Variants in KNDC1 observed in about 807,000 individuals in gnomAD.
KNDC1 encodes kinase non-catalytic C-lobe domain containing 1.
A neutral mutation model predicts 172.8 loss-of-function variants in KNDC1; 106 were observed. The ratio of observed to expected loss-of-function variants is 0.61; its 90% CI spans 0.52 to 0.72. The LOEUF (loss-of-function observed/expected upper bound fraction) is 0.72. Among genes scored for constraint, KNDC1 ranks in the 30% least tolerant of loss-of-function variants. The probability of loss-of-function intolerance (pLI) is 0.00; values close to 1 mark genes in which losing one functional copy is unlikely to be tolerated. For missense variants in KNDC1, 2,325 were observed against 2,394.5 expected (o/e 0.97, Z 0.61); for synonymous variants, 1,083 against 1,062.2 (o/e 1.02, Z -0.38).
chr10:133,203,017 C>T lies in KNDC1; in HGVS notation c.3387+1119C>T, dbSNP rs796133296. 2.6e-5 allele frequency among the ~76,000 whole-genome samples: 4 copies of T among 151,962 alleles called. 1 individual carries two copies. Among genetic ancestry groups the T allele is most frequent in the African/African-American group, 9.7e-5 (4 of 41,438 alleles). On this transcript the variant is annotated intron_variant, in intron 17 of 29. Transcript: ENST00000304613. ...AACTCACGGCGTCCAGCCGGGAGCA[C>T]TCCGCCCCCAAACGCATGGCGTCCA...
intron 3 of KNDC1, among the ~76,000 whole-genome samples, chr10:133,170,670 T>A (rs182491371): frequency 6.6e-6 from 1 of 152,262 alleles, no homozygotes; most frequent in East Asian, 1.9e-4. Flanking sequence ...CATGTTAACA[T>A]ACATAACATT....
At chr10:133,166,753 G>GC (rs1016301728) in intron 1 of KNDC1, among the ~76,000 whole-genome samples, 1 of 152,044 alleles carries the variant, frequency 6.6e-6, no homozygotes, top group African/African-American at 2.4e-5. Flanking sequence ...GTGCATGGGG[G>GC]GGGTGTGGGT....
Position 133,212,766 on chromosome 10 carries a change from C to T in KNDC1, c.4287C>T (p.His1429=), listed in dbSNP as rs1229193696. The T allele has an allele frequency of 1.2e-5, 19 of 1,613,868 alleles. No homozygotes were observed. Among genetic ancestry groups the T allele is most frequent in the Non-Finnish European group, 1.6e-5 (19 of 1,179,922 alleles). ...GCAACGGGCTGGTGCTGCCGCCACACAAGGAGCGCCCCTACACCATTGCTG... is the reference window on the plus strand; with the variant it reads ...GCAACGGGCTGGTGCTGCCGCCACATAAGGAGCGCCCCTACACCATTGCTG... ...PRGNGLVLPP[H]KERPYTIAAA... is the part of the protein sequence containing the mutation. The change falls in exon 24 of 30, where the codon CAC becomes CAT. Residue 1429 remains histidine (H), a synonymous_variant. Coordinates refer to ENST00000304613, the MANE Select transcript of KNDC1 (RefSeq NM_152643.8).
In KNDC1 at chr10:133,218,951, C is replaced by T. The variant is rs201569977; in HGVS notation, c.4798C>T (p.Pro1600Ser). ...GLEHLAVRQS[P>S]AWRILPAKIA... is the part of the protein sequence containing the mutation. Reference sequence around the variant, plus strand: ...GGAGCACCTGGCCGTGAGGCAGTCCCCTGTGCGTCCCCCTCGGGCCCCAAG... The same window carrying T: ...GGAGCACCTGGCCGTGAGGCAGTCCTCTGTGCGTCCCCCTCGGGCCCCAAG... Residue 1600 changes from proline to serine, a missense_variant and splice_region_variant, in exon 27 of 30, where the codon CCT becomes TCT. Pro to Ser is a moderately conservative substitution (Grantham distance 74, BLOSUM62 -1). Coordinates refer to ENST00000304613, the MANE Select transcript of KNDC1 (RefSeq NM_152643.8). 2 of 1,613,790 alleles carry T rather than the reference C, an allele frequency of 1.2e-6. No homozygotes were observed. The highest frequency in any genetic ancestry group is 2.2e-5 in the East Asian group (1 of 44,880).
Position 133,186,365 on chromosome 10 carries a change from G to A in KNDC1, c.1017G>A (p.Pro339=), listed in dbSNP as rs35998551. The change falls in exon 6 of 30, where the codon CCG becomes CCA. Residue 339 remains proline (P), a synonymous_variant. Coordinates refer to ENST00000304613, the MANE Select transcript of KNDC1 (RefSeq NM_152643.8). ...SQLPISELFS[P]DPRKAFLDRK... is the part of the protein sequence containing the mutation. Reference sequence around the variant, plus strand: ...TGCCCATATCGGAATTATTCTCTCCGGACCCCAGGAAGGCCTTTCTGGACA... The same window carrying A: ...TGCCCATATCGGAATTATTCTCTCCAGACCCCAGGAAGGCCTTTCTGGACA... The A allele has an allele frequency of 2.8e-3, 4,567 of 1,612,650 alleles. 111 individuals are homozygous for A. In the African/African-American group the frequency reaches 0.051, roughly 18 times the overall value.
rs992028882 is a variant in KNDC1, at chr10:133,224,140, C to A, written c.5019-519C>A. On this transcript the variant is annotated intron_variant, in intron 29 of 29. Transcript: ENST00000304613. The surrounding 1 kb of genome is among the most constrained non-coding windows in gnomAD (Gnocchi z 5.4). ...GTTTCCATCCAAAATCAGGACAGGG[C>A]GTCTGTCTGTGGCATCAGTGTCCCC... is the stretch of plus-strand genomic sequence containing the variant. 5.3e-5 allele frequency among the ~76,000 whole-genome samples: 8 copies of A among 152,214 alleles called. No individual in the cohort carries two copies. Among genetic ancestry groups the A allele is most frequent in the Non-Finnish European group, 1.2e-4 (8 of 68,040 alleles).
chr10:133,201,981 G>T, intron 17 of KNDC1, 83 bp downstream of exon 17: 1 of 1,418,960 alleles, frequency 7.0e-7, no homozygotes, highest in South Asian at 1.2e-5. Context: ...GGTGACAGAT[G>T]GCACCGTGTG....
intron 3 of KNDC1, 73 bp downstream of exon 3, chr10:133,168,385 A>G: frequency 4.8e-6 from 7 of 1,463,042 alleles, no homozygotes; most frequent in Non-Finnish European, 6.7e-6. Flanking sequence ...TAACTCAGAA[A>G]TGCACCTGCC....
At chr10:133,190,246 C>T (rs1217731797) in intron 9 of KNDC1, among the ~76,000 whole-genome samples, 1 of 152,044 alleles carries the variant, frequency 6.6e-6, no homozygotes, top group Non-Finnish European at 1.5e-5. Context: ...GTACCCTACA[C>T]TAAGCACCCT....
intron 28 of KNDC1, 116 bp from the exon 29 acceptor site, chr10:133,219,839 G>C: frequency 9.9e-7 from 1 of 1,012,284 alleles, no homozygotes; most frequent in Non-Finnish European, 1.4e-6. Flanking sequence ...GGTAGACCCC[G>C]TGCGTGGAGA....
intron 3 of KNDC1, among the ~76,000 whole-genome samples, chr10:133,173,087 G>T (rs1185929942): frequency 6.6e-6 from 1 of 152,154 alleles, no homozygotes; most frequent in Non-Finnish European, 1.5e-5. Flanking sequence ...GAAATCTCTG[G>T]CCTTCAGCTG....
chr10:133,178,558 G>A (rs563174586), intron 3 of KNDC1, among the ~76,000 whole-genome samples: 1 of 152,146 alleles, frequency 6.6e-6, no homozygotes, highest in African/African-American at 2.4e-5. Flanking sequence ...AGCCTGGGTG[G>A]GTATGGACTG....
intron 3 of KNDC1, among the ~76,000 whole-genome samples, chr10:133,176,528 C>T (rs1352957060): frequency 6.6e-6 from 1 of 152,154 alleles, no homozygotes; most frequent in Non-Finnish European, 1.5e-5. Flanking sequence ...GGGCCCTGGC[C>T]ATCTGGATGC....
chr10:133,180,563 A>G (rs1019799632), intron 3 of KNDC1, among the ~76,000 whole-genome samples: 12 of 152,378 alleles, frequency 7.9e-5, no homozygotes, highest in East Asian at 1.9e-4. Flanking sequence ...AAACAAAGGA[A>G]AGCTGTCCCT....
intron 3 of KNDC1, among the ~76,000 whole-genome samples, chr10:133,182,857 G>T (rs571072634): frequency 6.6e-6 from 1 of 150,438 alleles, no homozygotes; most frequent in Non-Finnish European, 1.5e-5. Flanking sequence ...CAGGTGGTGT[G>T]GGCGTGGGTG....
chr10:133,169,758 G>A (rs1256977368), intron 3 of KNDC1, among the ~76,000 whole-genome samples: 2 of 152,180 alleles, frequency 1.3e-5, no homozygotes, highest in African/African-American at 4.8e-5. Flanking sequence ...TGGTGGCTGT[G>A]ACGTGGCACG....
chr10:133,190,663 AT>A (rs1854052649), intron 9 of KNDC1, among the ~76,000 whole-genome samples: 1 of 152,248 alleles, frequency 6.6e-6, no homozygotes, highest in South Asian at 2.1e-4. Context: ...GAAACTCGGA[AT>A]GGTCCACCAT....
intron 3 of KNDC1, among the ~76,000 whole-genome samples, chr10:133,176,062 G>A (rs1285783876): frequency 6.7e-6 from 1 of 150,152 alleles, no homozygotes; most frequent in Admixed American, 6.6e-5. Context: ...GGGTGGGTGA[G>A]TGGATAGGTG....
At position 133,186,534 on chromosome 10, in the gene KNDC1, C is replaced by A. The variant is rs1217565004; in HGVS notation, c.1186C>A (p.Pro396Thr). ...GPGVPGSPGQ[P>T]ETSHPSQGPA... ...TGGGGTGCCCGGCAGTCCAGGACAG[C>A]CCGAGACTTCACACCCCAGCCAGGG... is the stretch of plus-strand genomic sequence containing the variant. Residue 396 changes from proline to threonine, a missense_variant, in exon 6 of 30, where the codon CCC becomes ACC. By Grantham distance (38) the Pro-to-Thr change is conservative. Coordinates refer to ENST00000304613, the MANE Select transcript of KNDC1 (RefSeq NM_152643.8). 6.2e-7 allele frequency: 1 copy of A among 1,611,880 alleles called. No individual in the cohort carries two copies. The highest frequency in any genetic ancestry group is 8.5e-7 in the Non-Finnish European group (1 of 1,179,860).
Sources: gnomAD v4.1 joint callset for allele counts (sites outside exome capture counted in the v4.1 genomes callset) on GRCh38, gnomAD v4.1.1 for gene constraint, Gnocchi (gnomAD v3.1) non-coding constraint, MANE v1.5 for transcripts, NCBI Gene and HGNC (gene_info 2026-07-23, HGNC 2026-07-21) for gene names.